The following PLXNC1 variants were observed in gnomAD, a reference collection of about 807,000 sequenced individuals.
The protein encoded by PLXNC1 is plexin-C1.
PLXNC1 carries 75 observed loss-of-function variants against 178.2 expected under a neutral mutation model. That is an observed-to-expected ratio of 0.42 (90% CI 0.35 to 0.51). PLXNC1 has a LOEUF of 0.51. Ranked by LOEUF, PLXNC1 falls within the 20% of genes least tolerant of loss-of-function variation. The pLI, the probability that PLXNC1 is intolerant of heterozygous loss-of-function variation, is 0.02. For missense variants in PLXNC1, 1,503 were observed against 1,984.4 expected, an observed-to-expected ratio of 0.76 and a Z score of 4.61; for synonymous variants, 790 against 779.9, an observed-to-expected ratio of 1.01 and a Z score of -0.22.
intron 9 of PLXNC1, among the ~76,000 whole-genome samples, chr12:94,229,079 T>A (rs868239544): frequency 6.6e-6 from 1 of 152,206 alleles, no homozygotes; most frequent in Non-Finnish European, 1.5e-5. Flanking sequence ...ATTTTCGATT[T>A]TGTTTGATAG....
In PLXNC1 at chr12:94,279,689, G is replaced by A. The variant is rs778184970; in HGVS notation, c.3775+40G>A. ...GAGCTATGTGGTCCCAGGCCCTGAT[G>A]AGTGTCCCTCCCTGCCTGCCCTCCC... On this transcript the variant is annotated intron_variant, in intron 22 of 30. Coordinates refer to ENST00000258526, the MANE Select transcript of PLXNC1 (RefSeq NM_005761.3). 7 of 1,578,444 alleles carry A rather than the reference G, an allele frequency of 4.4e-6. No homozygotes were observed. In the East Asian group the frequency reaches 6.7e-5, roughly 15 times the overall value.
intron 23 of PLXNC1, among the ~76,000 whole-genome samples, chr12:94,290,414 C>T (rs978318721): frequency 6.6e-6 from 1 of 152,224 alleles, no homozygotes; most frequent in Non-Finnish European, 1.5e-5. Flanking sequence ...AGAGGATGCT[C>T]GTTAATAGGA....
intron 1 of PLXNC1, among the ~76,000 whole-genome samples, chr12:94,162,043 G>A (rs1405470083): frequency 1.3e-5 from 2 of 152,212 alleles, no homozygotes; most frequent in Non-Finnish European, 2.9e-5. Flanking sequence ...TACTATTGGA[G>A]ATAGTCAGTC....
chr12:94,288,323 C>T (rs1040962091), intron 23 of PLXNC1, among the ~76,000 whole-genome samples: 1 of 152,184 alleles, frequency 6.6e-6, no homozygotes, highest in Non-Finnish European at 1.5e-5. Flanking sequence ...CTCTCTCAGG[C>T]ATCTGGGCTC....
chr12:94,207,841 T>C (rs1313299390), intron 4 of PLXNC1, among the ~76,000 whole-genome samples: 1 of 152,244 alleles, frequency 6.6e-6, no homozygotes, highest in Non-Finnish European at 1.5e-5. Context: ...ACTTGTTTTT[T>C]TGGCAGCCTT....
intron 2 of PLXNC1, among the ~76,000 whole-genome samples, chr12:94,169,989 A>G (rs548490748): frequency 6.6e-6 from 1 of 152,328 alleles, no homozygotes; most frequent in Admixed American, 6.5e-5. Flanking sequence ...TCTAGCGTTC[A>G]TCTTATCAAT....
intron 11 of PLXNC1, among the ~76,000 whole-genome samples, chr12:94,242,868 C>G (rs1964427862): frequency 6.6e-6 from 1 of 152,208 alleles, no homozygotes; most frequent in East Asian, 1.9e-4. Flanking sequence ...TCAAACAACT[C>G]ACCCCAGCCT....
intron 21 of PLXNC1, among the ~76,000 whole-genome samples, chr12:94,266,381 A>G (rs75206507): frequency 0.022 from 3,316 of 152,286 alleles, 145 homozygotes; most frequent in African/African-American, 0.075. Flanking sequence ...TCTGAATTGT[A>G]TCAATACACC....
chr12:94,244,440 C>T (rs1964473803), intron 12 of PLXNC1, among the ~76,000 whole-genome samples: 1 of 152,194 alleles, frequency 6.6e-6, no homozygotes, highest in Non-Finnish European at 1.5e-5. Flanking sequence ...GGTTAGATGA[C>T]TTGCCAAGGT....
intron 21 of PLXNC1, among the ~76,000 whole-genome samples, chr12:94,278,720 G>A (rs1235466466): frequency 1.3e-5 from 2 of 152,102 alleles, no homozygotes; most frequent in Non-Finnish European, 2.9e-5. Context: ...TCTTTGGGCC[G>A]GGCACAGTGG....
intron 20 of PLXNC1, among the ~76,000 whole-genome samples, chr12:94,264,275 A>G (rs1417800698): frequency 6.6e-6 from 1 of 152,180 alleles, no homozygotes. Context: ...GTGTCTGCGA[A>G]TGTGAGCCAT....
At chr12:94,189,426 C>T (rs1449093357) in intron 4 of PLXNC1, among the ~76,000 whole-genome samples, 3 of 152,102 alleles carry the variant, frequency 2.0e-5, no homozygotes, top group Non-Finnish European at 4.4e-5. Context: ...CACCTATATT[C>T]CCAGCTTTTT....
chr12:94,233,950 C>G (rs1300024759), intron 9 of PLXNC1, among the ~76,000 whole-genome samples: 2 of 152,148 alleles, frequency 1.3e-5, no homozygotes, highest in Non-Finnish European at 2.9e-5. Flanking sequence ...CTACAGGACT[C>G]TTTCCTTTAA....
intron 22 of PLXNC1, among the ~76,000 whole-genome samples, chr12:94,280,776 G>A (rs978740977): frequency 2.6e-5 from 4 of 152,206 alleles, no homozygotes; most frequent in African/African-American, 4.8e-5. Flanking sequence ...GGCATACCCC[G>A]CCCGACAGTC....
At chr12:94,298,983 TATGCCA>T (rs1968204012) in intron 27 of PLXNC1, among the ~76,000 whole-genome samples, 188 bp downstream of exon 27, 1 of 152,248 alleles carries the variant, frequency 6.6e-6, no homozygotes, top group African/African-American at 2.4e-5. Context: ...AAACCATTCC[TATGCCA>T]AGAATCCTGT....
At chr12:94,233,017 T>A (rs1038431295) in intron 9 of PLXNC1, among the ~76,000 whole-genome samples, 2 of 152,190 alleles carry the variant, frequency 1.3e-5, no homozygotes, top group African/African-American at 4.8e-5. Flanking sequence ...TGGAAAGGAC[T>A]CTAATATTGG....
chr12:94,233,377 C>T (rs1964161180), intron 9 of PLXNC1, among the ~76,000 whole-genome samples: 1 of 152,176 alleles, frequency 6.6e-6, no homozygotes, highest in Non-Finnish European at 1.5e-5. Flanking sequence ...GGAAGAGCTG[C>T]CCTCCCTGGC....
At chr12:94,229,116 T>C (rs1027621788) in intron 9 of PLXNC1, among the ~76,000 whole-genome samples, 8 of 152,332 alleles carry the variant, frequency 5.3e-5, no homozygotes, top group East Asian at 1.9e-4. Flanking sequence ...GGTCAGGTGG[T>C]ATCTCATTGT....
At chr12:94,205,152 A>G (rs575149564) in intron 4 of PLXNC1, among the ~76,000 whole-genome samples, 3 of 152,268 alleles carry the variant, frequency 2.0e-5, no homozygotes, top group South Asian at 4.1e-4. Flanking sequence ...AGCCCGGCCC[A>G]TGGGTATTTC....
Sources: allele counts gnomAD v4.1 joint callset (sites outside exome capture counted in the v4.1 genomes callset), GRCh38; gene constraint gnomAD v4.1.1; transcripts MANE v1.5; gene names NCBI Gene and HGNC (gene_info 2026-07-23, HGNC 2026-07-21).